GUCA1C: variants seen among roughly 807,000 people sequenced by gnomAD.
GUCA1C encodes guanylate cyclase activator 1C, also known as guanylyl cyclase-activating protein 3.
Under a neutral mutation model 16.2 loss-of-function variants are expected in GUCA1C, and 15 were observed. The ratio of observed to expected loss-of-function variants is 0.93; its 90% CI spans 0.62 to 1.43. The LOEUF (loss-of-function observed/expected upper bound fraction) is 1.43. Among genes scored for constraint, GUCA1C ranks in the 40% most tolerant of loss-of-function variants. The pLI is 0.00. For missense variants in GUCA1C, 275 were observed against 244.8 expected (o/e 1.12, Z -0.82); for synonymous variants, 78 against 85.4 (o/e 0.91, Z 0.48).
intron 1 of GUCA1C, among the ~76,000 whole-genome samples, chr3:108,939,746 C>T (rs963955896): frequency 3.9e-5 from 6 of 151,982 alleles, no homozygotes; most frequent in Admixed American, 6.6e-5. Flanking sequence ...CACATATAGA[C>T]GGCCCCTTAG....
At chr3:108,929,374 G>A (rs186811018) in intron 1 of GUCA1C, among the ~76,000 whole-genome samples, 6 of 152,160 alleles carry the variant, frequency 3.9e-5, no homozygotes, top group Non-Finnish European at 8.8e-5. Context: ...TGAGTTTTCC[G>A]AAGTTGAATA....
chr3:108,939,340 T>G, intron 1 of GUCA1C, among the ~76,000 whole-genome samples: 1 of 120,116 alleles, frequency 8.3e-6, no homozygotes, highest in East Asian at 2.1e-4. Flanking sequence ...TTTTTTTTTT[T>G]TTTTTTTTTG....
intron 1 of GUCA1C, among the ~76,000 whole-genome samples, chr3:108,923,987 G>A (rs564411298): frequency 1.3e-5 from 2 of 152,142 alleles, no homozygotes; most frequent in South Asian, 4.1e-4. Context: ...ACTGGTTTGT[G>A]TACATTAATT....
chr3:108,932,345 A>G (rs1287301062), intron 1 of GUCA1C, among the ~76,000 whole-genome samples: 210 of 151,162 alleles, frequency 1.4e-3, no homozygotes, highest in Non-Finnish European at 2.4e-3. Context: ...AAAAACAAAA[A>G]AAAAAAACAG....
chr3:108,918,923 T>G (rs1028896915), intron 2 of GUCA1C, among the ~76,000 whole-genome samples: 15 of 152,200 alleles, frequency 9.9e-5, no homozygotes, highest in African/African-American at 2.7e-4. Flanking sequence ...TCTTAAGAGA[T>G]TCTGTGATAT....
rs538413008 is a variant in GUCA1C, at chr3:108,937,873, C to A, written c.204+15686G>T. Reference sequence around the variant, plus strand: ...GGATCATGAGGTCAGGAGTTCAAGACCAGCCTGACAAAGATGGTGAAACCC... The same window carrying A: ...GGATCATGAGGTCAGGAGTTCAAGAACAGCCTGACAAAGATGGTGAAACCC... On this transcript the variant is annotated intron_variant, in intron 1 of 3. Transcript: ENST00000261047. Among the ~76,000 whole-genome samples the A allele has an allele frequency of 6.2e-4, 95 of 152,260 alleles. 1 individual carries two copies. The highest frequency in any genetic ancestry group is 2.7e-3 in the South Asian group (13 of 4,826).
At chr3:108,918,915 T>C (rs1283961705) in intron 2 of GUCA1C, among the ~76,000 whole-genome samples, 1 of 152,216 alleles carries the variant, frequency 6.6e-6, no homozygotes, top group Non-Finnish European at 1.5e-5. Flanking sequence ...TTTTGCTATC[T>C]TAAGAGATTC....
intron 3 of GUCA1C, among the ~76,000 whole-genome samples, chr3:108,914,406 T>A (rs1029081773): frequency 6.6e-6 from 1 of 152,220 alleles, no homozygotes; most frequent in African/African-American, 2.4e-5. Flanking sequence ...TTTTCTCGAA[T>A]ACACTATCTG....
chr3:108,949,005 G>A (rs1032136820), intron 1 of GUCA1C, among the ~76,000 whole-genome samples: 2 of 151,910 alleles, frequency 1.3e-5, no homozygotes, highest in Admixed American at 6.6e-5. Flanking sequence ...CCACCACCAC[G>A]CCCGGCTAAT....
At chr3:108,935,214 A>C (rs907280837) in intron 1 of GUCA1C, among the ~76,000 whole-genome samples, 43 of 152,082 alleles carry the variant, frequency 2.8e-4, no homozygotes, top group Non-Finnish European at 5.4e-4. Flanking sequence ...AGAGGAAGGG[A>C]GCAGGTGTTG....
intron 2 of GUCA1C, among the ~76,000 whole-genome samples, chr3:108,919,598 C>G (rs574034972): frequency 5.9e-5 from 9 of 152,232 alleles, no homozygotes; most frequent in African/African-American, 2.2e-4. Flanking sequence ...GCTTATTTAG[C>G]TTTACATTTT....
chr3:108,954,757 G>GCA (rs1946932357), upstream of GUCA1C, among the ~76,000 whole-genome samples: 3 of 122,040 alleles, frequency 2.5e-5, no homozygotes, highest in Non-Finnish European at 5.1e-5. Context: ...TTTTTTTTGA[G>GCA]ATGGAGTCTC....
rs760128129 is a variant in GUCA1C at position 108,953,780 on chromosome 3, A to G, written c.-18T>C. 4.4e-6 allele frequency: 7 copies of G among 1,586,478 alleles called. No homozygotes were observed. Among genetic ancestry groups the G allele is most frequent in the Non-Finnish European group, 5.2e-6 (6 of 1,154,938 alleles). ...TTCCCCATCTTGACTCACAGTCTAC[A>G]GCTTTTCCTCAGGTTGTTTTCACTT... On this transcript the variant is annotated 5_prime_UTR_variant, in exon 1 of 4. Coordinates refer to ENST00000261047, the MANE Select transcript of GUCA1C (RefSeq NM_005459.4).
Position 108,940,497 on chromosome 3 carries a change from G to A in GUCA1C, c.204+13062C>T, listed in dbSNP as rs11916986. On this transcript the variant is annotated intron_variant, in intron 1 of 3. Coordinates refer to ENST00000261047, the MANE Select transcript of GUCA1C (RefSeq NM_005459.4). ...AAGCATGAGTCCTGGGTTATAGTAA[G>A]ACGATAGTCAAAATACTAAGATGAT... Among the ~76,000 whole-genome samples the A allele has an allele frequency of 8.0e-3, 1,220 of 152,338 alleles. 19 individuals are homozygous for A. The highest frequency in any genetic ancestry group is 0.028 in the African/African-American group (1,175 of 41,576).
chr3:108,918,341 C>T (rs2107281637), intron 2 of GUCA1C, among the ~76,000 whole-genome samples: 1 of 152,312 alleles, frequency 6.6e-6, no homozygotes, highest in African/African-American at 2.4e-5. Context: ...ATGCCAGCTT[C>T]CTCTCACAGT....
chr3:108,941,865 G>A (rs550037944), intron 1 of GUCA1C, among the ~76,000 whole-genome samples: 3 of 152,272 alleles, frequency 2.0e-5, no homozygotes, highest in South Asian at 2.1e-4. Context: ...TAGTCCTGAC[G>A]ACTGTTTGGT....
At chr3:108,935,904 GCTC>G (rs1946722809) in intron 1 of GUCA1C, among the ~76,000 whole-genome samples, 2 of 152,244 alleles carry the variant, frequency 1.3e-5, no homozygotes, top group South Asian at 4.1e-4. Context: ...ATGTTCATGA[GCTC>G]CCAGAAATCA....
intron 1 of GUCA1C, 38 bp downstream of exon 1, chr3:108,953,521 C>T (rs1946919164): frequency 1.5e-6 from 2 of 1,336,528 alleles, no homozygotes; most frequent in Non-Finnish European, 2.1e-6. Flanking sequence ...TGCAGAACCA[C>T]AGCATTTTCA....
At position 108,908,229 on chromosome 3, in the gene GUCA1C, T is replaced by C. The variant is rs1323789101; in HGVS notation, c.443-20A>G. 2 of 1,545,770 alleles carry C rather than the reference T, an allele frequency of 1.3e-6. No homozygotes were observed. Among genetic ancestry groups the C allele is most frequent in the Non-Finnish European group, 1.8e-6 (2 of 1,119,366 alleles). Reference sequence around the variant, plus strand: ...ATTCCCCTGGAAAATAATAAACAGTTAATAAGAGGCTTTGTCTATACCACT... The same window carrying C: ...ATTCCCCTGGAAAATAATAAACAGTCAATAAGAGGCTTTGTCTATACCACT... On this transcript the variant is annotated intron_variant, in intron 3 of 3. Transcript: ENST00000261047.
Sources: allele counts gnomAD v4.1 joint callset (sites outside exome capture counted in the v4.1 genomes callset), GRCh38; gene constraint gnomAD v4.1.1; transcripts MANE v1.5; gene names NCBI Gene and HGNC (gene_info 2026-07-23, HGNC 2026-07-21).